The following CNTN5 variants were observed in gnomAD, a reference collection of about 807,000 sequenced individuals.
CNTN5 encodes contactin 5, also known as contactin-5.
CNTN5 carries 77 observed loss-of-function variants against 129.1 expected under a neutral mutation model. The ratio of observed to expected loss-of-function variants is 0.60; its 90% CI spans 0.50 to 0.72. The LOEUF is 0.72. Ranked by LOEUF, CNTN5 falls within the 30% of genes least tolerant of loss-of-function variation. The pLI is 0.00. For missense variants in CNTN5, 1,478 were observed against 1,328.8 expected (o/e 1.11, Z -1.75); for synonymous variants, 509 against 465.6 (o/e 1.09, Z -1.20).
intron 1 of CNTN5, among the ~76,000 whole-genome samples, chr11:99,278,288 G>C (rs887037550): frequency 1.3e-5 from 2 of 151,618 alleles, no homozygotes; most frequent in African/African-American, 4.8e-5. Context: ...CAAGAACCCT[G>C]TGAATAACTG....
At chr11:99,918,534 T>C (rs1468552167) in intron 7 of CNTN5, among the ~76,000 whole-genome samples, 2 of 152,176 alleles carry the variant, frequency 1.3e-5, no homozygotes, top group Non-Finnish European at 2.9e-5. Context: ...TGCATCCTAT[T>C]ACGTTGTGAA....
At chr11:99,587,529 A>T (rs1319893972) in intron 3 of CNTN5, among the ~76,000 whole-genome samples, 1 of 152,162 alleles carries the variant, frequency 6.6e-6, no homozygotes, top group Non-Finnish European at 1.5e-5. Context: ...ACTAACGAGG[A>T]TCCATTTTCT....
intron 6 of CNTN5, among the ~76,000 whole-genome samples, chr11:99,898,737 A>T (rs1320906071): frequency 6.6e-6 from 1 of 151,778 alleles, no homozygotes; most frequent in East Asian, 1.9e-4. Flanking sequence ...CTGCTTTATG[A>T]AATCTTACTA....
At chr11:99,636,046 T>TA (rs1266685988) in intron 3 of CNTN5, among the ~76,000 whole-genome samples, 1 of 152,016 alleles carries the variant, frequency 6.6e-6, no homozygotes, top group Non-Finnish European at 1.5e-5. Context: ...GCTTCATTCT[T>TA]AAAAAAGGAC....
chr11:99,690,254 G>C (rs1250571572), intron 3 of CNTN5, among the ~76,000 whole-genome samples: 1 of 152,004 alleles, frequency 6.6e-6, no homozygotes, highest in Admixed American at 6.6e-5. Context: ...TGTGGCTTTA[G>C]TTTTGGGTTC....
chr11:99,772,975 T>A (rs1365074065), intron 3 of CNTN5, among the ~76,000 whole-genome samples: 1 of 152,074 alleles, frequency 6.6e-6, no homozygotes, highest in Non-Finnish European at 1.5e-5. Context: ...AGCAGCCACA[T>A]AGAGGTATAA....
At chr11:99,772,086 T>A (rs1407426988) in intron 3 of CNTN5, among the ~76,000 whole-genome samples, 1 of 148,948 alleles carries the variant, frequency 6.7e-6, no homozygotes, top group South Asian at 2.1e-4. Flanking sequence ...TTTTTTTTTA[T>A]CAACAATGGA....
At chr11:100,349,554 T>A (rs1952358742) in intron 23 of CNTN5, among the ~76,000 whole-genome samples, 1 of 151,884 alleles carries the variant, frequency 6.6e-6, no homozygotes, top group Non-Finnish European at 1.5e-5. Flanking sequence ...TTTACAAAAT[T>A]TAGTAACTTG....
chr11:100,266,087 T>C (rs926343519), intron 17 of CNTN5, among the ~76,000 whole-genome samples: 1 of 152,152 alleles, frequency 6.6e-6, no homozygotes, highest in Admixed American at 6.6e-5. Flanking sequence ...ATTTATTTGG[T>C]ATTTTATTAA....
chr11:100,042,113 C>T (rs1349871411), intron 9 of CNTN5, among the ~76,000 whole-genome samples: 2 of 152,204 alleles, frequency 1.3e-5, no homozygotes, highest in East Asian at 1.9e-4. Context: ...TTTGCACTCA[C>T]TGCCCCTGAA....
chr11:99,420,556 GAAC>G (rs1942843357), intron 2 of CNTN5, among the ~76,000 whole-genome samples: 1 of 152,116 alleles, frequency 6.6e-6, no homozygotes, highest in South Asian at 2.1e-4. Flanking sequence ...TTCAGAACTT[GAAC>G]AACATGTAGA....
intron 3 of CNTN5, among the ~76,000 whole-genome samples, chr11:99,715,972 C>G (rs1384845580): frequency 6.6e-6 from 1 of 151,542 alleles, no homozygotes; most frequent in Non-Finnish European, 1.5e-5. Flanking sequence ...ATTTATTTCC[C>G]AAAATAATCA....
intron 9 of CNTN5, among the ~76,000 whole-genome samples, chr11:100,047,238 C>A (rs1257611152): frequency 8.1e-6 from 1 of 123,444 alleles, no homozygotes; most frequent in Non-Finnish European, 1.7e-5. Context: ...CTCCAGTTAA[C>A]CACATAAAAC....
At chr11:99,190,444 G>C (rs1858579233) in intron 1 of CNTN5, among the ~76,000 whole-genome samples, 1 of 151,534 alleles carries the variant, frequency 6.6e-6, no homozygotes, top group South Asian at 2.1e-4. Context: ...AATGTTATTA[G>C]CATTTTGAAA....
At chr11:99,271,966 G>A (rs1011843198) in intron 1 of CNTN5, among the ~76,000 whole-genome samples, 4 of 151,894 alleles carry the variant, frequency 2.6e-5, no homozygotes, top group African/African-American at 9.7e-5. Context: ...ATCAAATGTA[G>A]GGGAATTAGT....
chr11:99,978,794 C>T (rs1047188225), intron 8 of CNTN5, among the ~76,000 whole-genome samples: 1 of 152,148 alleles, frequency 6.6e-6, no homozygotes, highest in African/African-American at 2.4e-5. Flanking sequence ...TGACATTTAA[C>T]ATTGTACTGA....
rs181599137 is a variant in CNTN5 at position 99,490,717 on chromosome 11, C to G, written c.-70-65428C>G. ...TGTCCCCAAAGAAACCAGAAATTTA[C>G]TGCTTCTCAGTTTATATGGGATGGC... On this transcript the variant is annotated intron_variant, in intron 2 of 24. Coordinates refer to ENST00000524871, the MANE Select transcript of CNTN5 (RefSeq NM_014361.4). Among the ~76,000 whole-genome samples the G allele has an allele frequency of 5.3e-3, 806 of 152,270 alleles. 5 individuals are homozygous for G. The highest frequency in any genetic ancestry group is 7.9e-3 in the Non-Finnish European group (537 of 68,008).
At chr11:99,283,919 G>T (rs746371847) in intron 1 of CNTN5, among the ~76,000 whole-genome samples, 2 of 152,028 alleles carry the variant, frequency 1.3e-5, no homozygotes, top group Non-Finnish European at 2.9e-5. Flanking sequence ...TGCCTCATAC[G>T]AGCAGTACAT....
intron 3 of CNTN5, among the ~76,000 whole-genome samples, chr11:99,756,504 C>T (rs956668487): frequency 2.6e-5 from 4 of 152,034 alleles, no homozygotes; most frequent in African/African-American, 7.2e-5. Flanking sequence ...TGTCACAAAT[C>T]GAAGCACAAT....
Sources: gnomAD v4.1 joint callset for allele counts (sites outside exome capture counted in the v4.1 genomes callset) on GRCh38, gnomAD v4.1.1 for gene constraint, MANE v1.5 for transcripts, NCBI Gene and HGNC (gene_info 2026-07-23, HGNC 2026-07-21) for gene names.